STEAP1B: variants seen among roughly 807,000 people sequenced by gnomAD.
STEAP1B encodes the protein STEAP family member 1B.
Under a neutral mutation model 27.9 loss-of-function variants are expected in STEAP1B, and 13 were observed. The ratio of observed to expected loss-of-function variants is 0.47; its 90% CI spans 0.30 to 0.74. The LOEUF (loss-of-function observed/expected upper bound fraction) is 0.74. Ranked by LOEUF, STEAP1B falls within the 30% of genes least tolerant of loss-of-function variation. The pLI, the probability that STEAP1B is intolerant of heterozygous loss-of-function variation, is 0.06. For missense variants in STEAP1B, 250 were observed against 298.7 expected (o/e 0.84, Z 1.20); for synonymous variants, 86 against 107.1 (o/e 0.80, Z 1.22).
In STEAP1B at chr7:22,474,588, G is replaced by A. The variant is rs570835742; in HGVS notation, c.762+17977C>T. ...ATATTTATGCAGCTGATGTTGCACT[G>A]CCCTGGTACTTACCAAAGATAAGCT... On this transcript the variant is annotated intron_variant, in intron 4 of 4. Transcript: ENST00000678116. Among the ~76,000 whole-genome samples the A allele has an allele frequency of 2.6e-5, 4 of 152,302 alleles. No homozygotes were observed. The East Asian group carries it at 7.7e-4, about 29-fold the overall frequency.
chr7:22,455,920 G>A (rs982877892), intron 4 of STEAP1B, among the ~76,000 whole-genome samples: 5 of 152,198 alleles, frequency 3.3e-5, no homozygotes, highest in African/African-American at 1.2e-4. Flanking sequence ...GGCCGAGGAG[G>A]GCAGATCATG....
chr7:22,454,651 T>C (rs114618978), intron 4 of STEAP1B, among the ~76,000 whole-genome samples: 245 of 151,684 alleles, frequency 1.6e-3, no homozygotes, highest in African/African-American at 5.6e-3. Context: ...CATGTGTATT[T>C]TAGGAGCTGT....
chr7:22,445,519 G>C (rs1785396516), intron 4 of STEAP1B, among the ~76,000 whole-genome samples: 1 of 152,274 alleles, frequency 6.6e-6, no homozygotes, highest in African/African-American at 2.4e-5. Context: ...TTGGCAGCCA[G>C]CTTCACTTGG....
intron 4 of STEAP1B, among the ~76,000 whole-genome samples, chr7:22,467,042 G>T (rs1562577295): frequency 1.3e-5 from 2 of 152,186 alleles, no homozygotes; most frequent in East Asian, 3.9e-4. Context: ...TTTTTATCTG[G>T]TCTTTGAAAA....
At chr7:22,478,191 C>A (rs1562581326) in intron 4 of STEAP1B, among the ~76,000 whole-genome samples, 3 of 152,180 alleles carry the variant, frequency 2.0e-5, no homozygotes, top group African/African-American at 7.2e-5. Context: ...TAGATAACTG[C>A]CGCTCTTCTC....
chr7:22,473,219 G>A (rs1442245970), intron 4 of STEAP1B, among the ~76,000 whole-genome samples: 2 of 152,180 alleles, frequency 1.3e-5, no homozygotes, highest in African/African-American at 2.4e-5. Flanking sequence ...AGAAGAAACT[G>A]CAACTCACAC....
chr7:22,488,678 C>G (rs1343340273), intron 4 of STEAP1B, among the ~76,000 whole-genome samples: 1 of 152,240 alleles, frequency 6.6e-6, no homozygotes, highest in African/African-American at 2.4e-5. Context: ...CACATCACTA[C>G]AGATGATAAT....
In STEAP1B at chr7:22,425,768, G is replaced by A. The variant is rs541058351; in HGVS notation, c.763-5932C>T. 2.0e-5 allele frequency among the ~76,000 whole-genome samples: 3 copies of A among 152,204 alleles called. 1 individual carries two copies. Among genetic ancestry groups the A allele is most frequent in the African/African-American group, 7.2e-5 (3 of 41,588 alleles). ...TGGAAGGAAATGGCCTCCTGCCTTA[G>A]ACCCAGCAGAAATCCTTAAGAAAAT... On this transcript the variant is annotated intron_variant, in intron 4 of 4. Transcript: ENST00000678116.
intron 4 of STEAP1B, among the ~76,000 whole-genome samples, chr7:22,473,796 C>G (rs1024472729): frequency 6.6e-6 from 1 of 152,138 alleles, no homozygotes; most frequent in Non-Finnish European, 1.5e-5. Context: ...TCCCGAGTGC[C>G]TCTGTAGGCT....
At chr7:22,480,234 A>C (rs1786044822) in intron 4 of STEAP1B, among the ~76,000 whole-genome samples, 2 of 152,254 alleles carry the variant, frequency 1.3e-5, no homozygotes, top group Non-Finnish European at 2.9e-5. Context: ...AATCGTAAAC[A>C]GGGTCATAAT....
intron 4 of STEAP1B, among the ~76,000 whole-genome samples, chr7:22,440,544 C>A (rs1785317819): frequency 1.3e-5 from 2 of 152,074 alleles, no homozygotes; most frequent in African/African-American, 4.8e-5. Context: ...ATTGAGAATA[C>A]TCCCCATTTA....
chr7:22,482,559 C>A (rs17364835), intron 4 of STEAP1B, among the ~76,000 whole-genome samples: 13,774 of 152,194 alleles, frequency 0.091, 729 homozygotes, highest in Non-Finnish European at 0.12. Context: ...CATAGTAGAC[C>A]CACAATGGGG....
At chr7:22,460,219 G>A (rs1378506597) in intron 4 of STEAP1B, among the ~76,000 whole-genome samples, 1 of 151,780 alleles carries the variant, frequency 6.6e-6, no homozygotes, top group Non-Finnish European at 1.5e-5. Flanking sequence ...GGTAGGGTTG[G>A]GGGAGGGCTG....
At chr7:22,435,837 G>A (rs1202418517) in intron 4 of STEAP1B, among the ~76,000 whole-genome samples, 1 of 152,176 alleles carries the variant, frequency 6.6e-6, no homozygotes, top group African/African-American at 2.4e-5. Flanking sequence ...AAGTTAGCCT[G>A]GCCTCCATCT....
At chr7:22,459,348 A>G (rs2128407304) in intron 4 of STEAP1B, among the ~76,000 whole-genome samples, 1 of 152,328 alleles carries the variant, frequency 6.6e-6, no homozygotes, top group African/African-American at 2.4e-5. Flanking sequence ...AAGACGAGAA[A>G]GCTGTCATTG....
chr7:22,447,099 C>G (rs1193962108), intron 4 of STEAP1B, among the ~76,000 whole-genome samples: 1 of 152,198 alleles, frequency 6.6e-6, no homozygotes, highest in Non-Finnish European at 1.5e-5. Context: ...TTAAAGATGA[C>G]TGGTAGCCTT....
chr7:22,497,110 C>T (rs1759593139), intron 1 of STEAP1B, among the ~76,000 whole-genome samples: 2 of 152,166 alleles, frequency 1.3e-5, no homozygotes, highest in Non-Finnish European at 2.9e-5. Flanking sequence ...TCCCTCGTCA[C>T]AGAAGTGGGT....
intron 4 of STEAP1B, among the ~76,000 whole-genome samples, chr7:22,483,565 T>C (rs895358225): frequency 7.2e-5 from 11 of 152,354 alleles, no homozygotes; most frequent in African/African-American, 1.4e-4. Flanking sequence ...CTCAACAACA[T>C]GTGCTCACTT....
At chr7:22,460,670 C>G (rs1774575929) in intron 4 of STEAP1B, among the ~76,000 whole-genome samples, 2 of 152,068 alleles carry the variant, frequency 1.3e-5, no homozygotes, top group Non-Finnish European at 2.9e-5. Flanking sequence ...CATTGCTACA[C>G]CAAGGCTGCA....
Sources: gnomAD v4.1 joint callset for allele counts (sites outside exome capture counted in the v4.1 genomes callset) on GRCh38, gnomAD v4.1.1 for gene constraint, MANE v1.5 for transcripts, NCBI Gene and HGNC (gene_info 2026-07-23, HGNC 2026-07-21) for gene names.